Variants in SPATA17 observed in about 807,000 individuals in gnomAD.
The protein encoded by SPATA17 is spermatogenesis associated 17.
Under a neutral mutation model 62.2 loss-of-function variants are expected in SPATA17, and 53 were observed. That is an observed-to-expected ratio of 0.85 (90% CI 0.68 to 1.07). The LOEUF (loss-of-function observed/expected upper bound fraction) is 1.07, where lower values mean the gene tolerates loss of function less well. Ranked by LOEUF, SPATA17 falls within the 50% of genes least tolerant of loss-of-function variation. The probability of loss-of-function intolerance (pLI) is 0.00; values close to 1 mark genes in which losing one functional copy is unlikely to be tolerated. For missense variants in SPATA17, 466 were observed against 425.5 expected (o/e 1.10, Z -0.84); for synonymous variants, 146 against 146.8 (o/e 0.99, Z 0.04).
chr1:217,798,799 A>T (rs1012741740), intron 8 of SPATA17, among the ~76,000 whole-genome samples: 1 of 136,918 alleles, frequency 7.3e-6, no homozygotes, highest in Non-Finnish European at 1.6e-5. Context: ...GTAAGACAAT[A>T]CGAAACTGCT....
intron 9 of SPATA17, among the ~76,000 whole-genome samples, chr1:217,823,936 T>C (rs931368607): frequency 2.0e-5 from 3 of 152,062 alleles, no homozygotes; most frequent in African/African-American, 7.2e-5. Context: ...TTTCTTTGGG[T>C]TTCCATTTTC....
intron 1 of SPATA17, among the ~76,000 whole-genome samples, chr1:217,634,228 A>G (rs1038380151): frequency 7.9e-5 from 12 of 152,340 alleles, no homozygotes; most frequent in African/African-American, 2.6e-4. Context: ...CAATTGCAAT[A>G]AAGAAAGAAT....
At chr1:217,702,592 G>A (rs1240897415) in intron 5 of SPATA17, among the ~76,000 whole-genome samples, 7 of 152,100 alleles carry the variant, frequency 4.6e-5, no homozygotes, top group Admixed American at 2.0e-4. Flanking sequence ...TTCCAGGATA[G>A]CATTTTTAGA....
At chr1:217,631,535 C>A in intron 1 of SPATA17, 89 bp downstream of exon 1, 3 of 1,355,022 alleles carry the variant, frequency 2.2e-6, no homozygotes, top group Non-Finnish European at 3.2e-6. Flanking sequence ...AACGATTTAA[C>A]GATTACCCTA....
chr1:217,651,212 A>G (rs1571705761), intron 3 of SPATA17, 34 bp downstream of exon 3: 1 of 1,450,684 alleles, frequency 6.9e-7, no homozygotes, highest in African/African-American at 1.4e-5. Context: ...TAGCATTTGA[A>G]TTGTACAATA....
chr1:217,698,555 C>T (rs1236806678), intron 5 of SPATA17, among the ~76,000 whole-genome samples: 3 of 145,464 alleles, frequency 2.1e-5, no homozygotes, highest in Non-Finnish European at 4.5e-5. Flanking sequence ...GCCTTTGAGA[C>T]AATTGTAAAT....
chr1:217,780,661 C>A (rs1013871045), intron 7 of SPATA17, among the ~76,000 whole-genome samples: 2 of 152,014 alleles, frequency 1.3e-5, no homozygotes. Context: ...TTGTGTATTT[C>A]TTTGATGCTA....
At chr1:217,642,029 GGTTT>G (rs1197785553) in intron 1 of SPATA17, among the ~76,000 whole-genome samples, 1 of 151,986 alleles carries the variant, frequency 6.6e-6, no homozygotes, top group Non-Finnish European at 1.5e-5. Context: ...CCTTAATTTA[GGTTT>G]GTCTGATTTT....
intron 5 of SPATA17, among the ~76,000 whole-genome samples, chr1:217,735,310 A>G (rs1397814374): frequency 6.6e-6 from 1 of 152,026 alleles, no homozygotes; most frequent in African/African-American, 2.4e-5. Context: ...TGGTAAGGGC[A>G]CTCTTCTTTG....
chr1:217,728,156 C>T (rs749980402), intron 5 of SPATA17, among the ~76,000 whole-genome samples: 4 of 151,982 alleles, frequency 2.6e-5, no homozygotes, highest in Non-Finnish European at 5.9e-5. Context: ...TATTTAGTTA[C>T]TACAGAGGTA....
intron 5 of SPATA17, among the ~76,000 whole-genome samples, chr1:217,711,692 A>G (rs1483950591): frequency 6.6e-6 from 1 of 152,262 alleles, no homozygotes; most frequent in Non-Finnish European, 1.5e-5. Context: ...AGAGAAATTA[A>G]GAGCTAGTAC....
intron 6 of SPATA17, among the ~76,000 whole-genome samples, chr1:217,747,201 TAA>T (rs1339616692): frequency 6.6e-6 from 1 of 152,240 alleles, no homozygotes; most frequent in East Asian, 1.9e-4. Context: ...GATTATTTAA[TAA>T]AGTTATTTAT....
intron 9 of SPATA17, among the ~76,000 whole-genome samples, chr1:217,813,066 G>C (rs765260325): frequency 3.3e-5 from 5 of 152,188 alleles, no homozygotes; most frequent in Admixed American, 6.5e-5. Context: ...AAAATATCCA[G>C]TACTCTAAAG....
chr1:217,741,855 C>A, intron 5 of SPATA17, 120 bp from the exon 6 acceptor site: 2 of 1,041,014 alleles, frequency 1.9e-6, no homozygotes, highest in Non-Finnish European at 1.4e-6. Flanking sequence ...ATAGATTACA[C>A]CACTGATTTG....
chr1:217,795,191 T>C (rs1674101423), intron 8 of SPATA17, among the ~76,000 whole-genome samples: 1 of 152,120 alleles, frequency 6.6e-6, no homozygotes, highest in Non-Finnish European at 1.5e-5. Context: ...TTACAGGGCT[T>C]CTCAGTCTTA....
At chr1:217,659,281 A>T (rs896275806) in intron 3 of SPATA17, among the ~76,000 whole-genome samples, 3 of 152,110 alleles carry the variant, frequency 2.0e-5, no homozygotes, top group South Asian at 2.1e-4. Context: ...AGGTCAAGGA[A>T]ATGACACTTC....
chr1:217,751,125 A>G (rs1672895375), intron 6 of SPATA17, among the ~76,000 whole-genome samples: 1 of 152,210 alleles, frequency 6.6e-6, no homozygotes, highest in Non-Finnish European at 1.5e-5. Context: ...CTTGCAAGAA[A>G]CATCAATTCT....
chr1:217,727,251 AATAATAAT>A lies in SPATA17; in HGVS notation c.396-14722_396-14715del, dbSNP rs748918403. Among the ~76,000 whole-genome samples the A allele has an allele frequency of 2.3e-3, 315 of 135,130 alleles. 1 individual carries two copies. Among genetic ancestry groups the A allele is most frequent in the Non-Finnish European group, 3.4e-3 (213 of 62,724 alleles). The allele number at this position is 135,130 out of a possible 152,430, so 88.7% of individuals were successfully genotyped here. A position where few individuals can be genotyped will look rare whatever the true frequency, so the allele number is the denominator to read the frequency against. ...AACAAGAGCAAAACTCCGTCTCAAT[AATAATAAT>A]AATAATAATAATAATAATAATAATA... is the stretch of plus-strand genomic sequence containing the variant. On this transcript the variant is annotated intron_variant, in intron 5 of 10. Transcript: ENST00000366933.
At chr1:217,745,408 G>T (rs1281381686) in intron 6 of SPATA17, among the ~76,000 whole-genome samples, 1 of 152,014 alleles carries the variant, frequency 6.6e-6, no homozygotes, top group Non-Finnish European at 1.5e-5. Context: ...TTGTTCAAGG[G>T]ATTAGTTTTA....
Sources: allele counts gnomAD v4.1 joint callset (sites outside exome capture counted in the v4.1 genomes callset), GRCh38; gene constraint gnomAD v4.1.1; transcripts MANE v1.5; gene names NCBI Gene and HGNC (gene_info 2026-07-23, HGNC 2026-07-21).